CERKL: variants seen among roughly 807,000 people sequenced by gnomAD.
CERKL encodes CERK like autophagy regulator.
CERKL carries 61 observed loss-of-function variants against 63.4 expected under a neutral mutation model. That is an observed-to-expected ratio of 0.96 (90% CI 0.78 to 1.19). The LOEUF (loss-of-function observed/expected upper bound fraction) is 1.19. Among genes scored for constraint, CERKL ranks in the 50% most tolerant of loss-of-function variants. The pLI, the probability that CERKL is intolerant of heterozygous loss-of-function variation, is 0.00. For missense variants in CERKL, 675 were observed against 655.5 expected (o/e 1.03, Z -0.33); for synonymous variants, 250 against 230.5 (o/e 1.08, Z -0.77).
chr2:181,590,541 G>A (rs1684949687), intron 2 of CERKL, among the ~76,000 whole-genome samples: 1 of 151,968 alleles, frequency 6.6e-6, no homozygotes, highest in East Asian at 1.9e-4. Context: ...CAAATAAAAT[G>A]GCTAATATTC....
In CERKL at chr2:181,558,828, G is replaced by T; in HGVS notation, c.678-120C>A. On this transcript the variant is annotated intron_variant, in intron 4 of 12. Coordinates refer to ENST00000410087, the MANE Select transcript of CERKL (RefSeq NM_201548.5). This position sits in a 1 kb window ranked among gnomAD's most constrained non-coding sequence, Gnocchi z 4.2. ...AGTCTATGTGCATAACTGCTCACAT[G>T]TACCTTTAAACATGTTAATATGTGT... The T allele has an allele frequency of 1.0e-6, 1 of 959,292 alleles. No individual in the cohort carries two copies. The highest frequency in any genetic ancestry group is 1.6e-6 in the Non-Finnish European group (1 of 614,998). The allele number at this position is 959,292 out of a possible 1,614,324, so 59.4% of individuals were successfully genotyped here. A position where few individuals can be genotyped will look rare whatever the true frequency, so the allele number is the denominator to read the frequency against.
chr2:181,545,078 A>G (rs1307518734), intron 10 of CERKL, among the ~76,000 whole-genome samples: 1 of 152,208 alleles, frequency 6.6e-6, no homozygotes, highest in Non-Finnish European at 1.5e-5. Context: ...TCCTACTCAC[A>G]TATCAAGACA....
At chr2:181,577,338 T>C (rs1242763447) in intron 2 of CERKL, among the ~76,000 whole-genome samples, 3 of 152,176 alleles carry the variant, frequency 2.0e-5, no homozygotes, top group Non-Finnish European at 4.4e-5. Context: ...AGGTATCTAA[T>C]GGATTGAGCT....
At chr2:181,610,670 AAAG>A (rs1271550778) in intron 1 of CERKL, among the ~76,000 whole-genome samples, 43 of 152,204 alleles carry the variant, frequency 2.8e-4, no homozygotes, top group Non-Finnish European at 1.6e-4. Context: ...TGCTTTTATT[AAAG>A]GAGATAAAAA....
At chr2:181,643,327 G>A (rs1180472627) in intron 1 of CERKL, among the ~76,000 whole-genome samples, 2 of 152,196 alleles carry the variant, frequency 1.3e-5, no homozygotes, top group African/African-American at 4.8e-5. Context: ...AGTCTGTTAT[G>A]CACCTTGCTA....
rs376763429 is a variant in CERKL at position 181,594,749 on chromosome 2, C to T, written c.481+9088G>A. Among the ~76,000 whole-genome samples the T allele has an allele frequency of 5.9e-5, 9 of 151,926 alleles. No homozygotes were observed. In the East Asian group the frequency reaches 1.3e-3, roughly 23 times the overall value. On this transcript the variant is annotated intron_variant, in intron 2 of 12. Coordinates refer to ENST00000410087, the MANE Select transcript of CERKL (RefSeq NM_201548.5). ...ACGGTGCTTTTGCTTTAAAGATGATCGACAAGGAGAAAAAAATGGTTGATT... is the reference window on the plus strand; with the variant it reads ...ACGGTGCTTTTGCTTTAAAGATGATTGACAAGGAGAAAAAAATGGTTGATT...
At chr2:181,579,124 G>T (rs1056345092) in intron 2 of CERKL, among the ~76,000 whole-genome samples, 1 of 151,946 alleles carries the variant, frequency 6.6e-6, no homozygotes, top group African/African-American at 2.4e-5. Flanking sequence ...TTCCTCACGT[G>T]TAATACAGAA....
At chr2:181,563,340 A>G (rs1574452517) in intron 4 of CERKL, among the ~76,000 whole-genome samples, 1 of 152,306 alleles carries the variant, frequency 6.6e-6, no homozygotes, top group East Asian at 1.9e-4. Flanking sequence ...CATTAAAAAA[A>G]ATAAATACAA....
chr2:181,597,632 G>A (rs933619737), intron 2 of CERKL, among the ~76,000 whole-genome samples: 2 of 152,168 alleles, frequency 1.3e-5, no homozygotes, highest in Admixed American at 6.5e-5. Context: ...GAATTTCCCA[G>A]GGATAGAGAA....
At chr2:181,605,461 C>G (rs1286540588) in intron 1 of CERKL, among the ~76,000 whole-genome samples, 1 of 152,108 alleles carries the variant, frequency 6.6e-6, no homozygotes, top group Non-Finnish European at 1.5e-5. Flanking sequence ...TTCCTACCAG[C>G]TGAAGTGGAA....
At chr2:181,652,545 A>G (rs1687984756) in intron 1 of CERKL, among the ~76,000 whole-genome samples, 1 of 152,182 alleles carries the variant, frequency 6.6e-6, no homozygotes. Flanking sequence ...TTACAAGAAA[A>G]AAGGGAAATT....
At chr2:181,640,382 C>T (rs552684300) in intron 1 of CERKL, among the ~76,000 whole-genome samples, 1 of 152,258 alleles carries the variant, frequency 6.6e-6, no homozygotes, top group Non-Finnish European at 1.5e-5. Flanking sequence ...ATATACTACC[C>T]CCGTCATTGG....
intron 1 of CERKL, among the ~76,000 whole-genome samples, chr2:181,654,902 A>T (rs10930974): frequency 0.43 from 65,274 of 151,920 alleles, 15,714 homozygotes; most frequent in South Asian, 0.78. Flanking sequence ...CACCTGCCTC[A>T]GCCTCCCAAG....
chr2:181,630,799 T>A (rs1030849392), intron 1 of CERKL, among the ~76,000 whole-genome samples: 1 of 152,234 alleles, frequency 6.6e-6, no homozygotes, highest in Non-Finnish European at 1.5e-5. Context: ...CCTTGACTTA[T>A]CTTCAGTTTT....
intron 1 of CERKL, among the ~76,000 whole-genome samples, chr2:181,615,133 A>AT (rs1184707842): frequency 3.3e-5 from 5 of 152,294 alleles, no homozygotes; most frequent in African/African-American, 1.2e-4. Flanking sequence ...TCTACTGGGT[A>AT]TCATGCTATT....
At chr2:181,549,819 G>A (rs1228110776) in intron 5 of CERKL, 111 bp from the exon 6 acceptor site, 10 of 780,646 alleles carry the variant, frequency 1.3e-5, no homozygotes, top group Non-Finnish European at 2.3e-5. Context: ...AAAAATAAAC[G>A]AGAATTTATA....
intron 3 of CERKL, among the ~76,000 whole-genome samples, chr2:181,570,496 C>G (rs1041261891): frequency 6.6e-6 from 1 of 152,116 alleles, no homozygotes; most frequent in Non-Finnish European, 1.5e-5. Context: ...CCAGCATGGG[C>G]TTATCGTTCA....
chr2:181,592,038 A>T (rs764829116), intron 2 of CERKL, among the ~76,000 whole-genome samples: 7 of 152,150 alleles, frequency 4.6e-5, no homozygotes, highest in Non-Finnish European at 7.4e-5. Context: ...AGTTTTAAGA[A>T]GTTTCTTAAA....
At chr2:181,644,814 A>G (rs958720293) in intron 1 of CERKL, among the ~76,000 whole-genome samples, 1 of 152,208 alleles carries the variant, frequency 6.6e-6, no homozygotes, top group African/African-American at 2.4e-5. Flanking sequence ...GTAAACATGA[A>G]TCATTCAAAT....
Sources: allele counts gnomAD v4.1 joint callset (sites outside exome capture counted in the v4.1 genomes callset), GRCh38; gene constraint gnomAD v4.1.1; non-coding constraint Gnocchi (gnomAD v3.1); transcripts MANE v1.5; gene names NCBI Gene and HGNC (gene_info 2026-07-23, HGNC 2026-07-21).